Variants in NBPF11 observed in about 807,000 individuals in gnomAD.
The protein encoded by NBPF11 is NBPF member 11, also known as NBPF family member NBPF11.
NBPF11 carries 72 observed loss-of-function variants against 93.9 expected under a neutral mutation model. The observed-to-expected ratio is 0.77, with a 90% CI of 0.63 to 0.93. The LOEUF (loss-of-function observed/expected upper bound fraction) is 0.93, where lower values mean the gene tolerates loss of function less well. Ranked by LOEUF, NBPF11 falls within the 40% of genes least tolerant of loss-of-function variation. The probability of loss-of-function intolerance (pLI) is 0.00; values close to 1 mark genes in which losing one functional copy is unlikely to be tolerated. For synonymous variants in NBPF11, 224 were observed against 304.9 expected (o/e 0.73, Z 2.76); for missense variants, 705 against 802.2 (o/e 0.88, Z 1.46).
intron 12 of NBPF11, among the ~76,000 whole-genome samples, chr1:148,116,849 C>T (rs1439180137): frequency 6.6e-6 from 1 of 152,064 alleles, no homozygotes; most frequent in Non-Finnish European, 1.5e-5. Context: ...AGATCTGATT[C>T]CCAGGCACAG....
chr1:148,151,251 C>T (rs1483994011), intron 1 of NBPF11, among the ~76,000 whole-genome samples: 2 of 151,968 alleles, frequency 1.3e-5, no homozygotes, highest in African/African-American at 2.4e-5. Context: ...TCGCTACAAA[C>T]GCTCCTCACA....
At chr1:148,130,510 C>G (rs1365781911) in intron 4 of NBPF11, among the ~76,000 whole-genome samples, 1,920 of 151,744 alleles carry the variant, frequency 0.013, 64 homozygotes, top group African/African-American at 0.044. Flanking sequence ...TTTTAGGGGC[C>G]TCGTACCTGC....
At chr1:148,107,222 C>G (rs1663887944) in intron 19 of NBPF11, 108 bp from the exon 20 acceptor site, 1 of 568,790 alleles carries the variant, frequency 1.8e-6, no homozygotes, top group Non-Finnish European at 3.1e-6. Flanking sequence ...AGAAAAAGGA[C>G]AGATCCATTA....
chr1:148,127,815 CTT>C (rs1183487358), intron 4 of NBPF11, among the ~76,000 whole-genome samples: 4 of 136,180 alleles, frequency 2.9e-5, no homozygotes, highest in African/African-American at 5.5e-5. Context: ...GCTAATTTTT[CTT>C]TTTTTTTTTT....
chr1:148,110,191 C>G (rs1664911740), intron 16 of NBPF11, among the ~76,000 whole-genome samples, 187 bp downstream of exon 16: 1 of 151,892 alleles, frequency 6.6e-6, no homozygotes, highest in Admixed American at 6.6e-5. Flanking sequence ...GAGAGCAAAG[C>G]TCACTGACCC....
At chr1:148,136,331 A>G (rs1368099209) in intron 3 of NBPF11, among the ~76,000 whole-genome samples, 1 of 151,622 alleles carries the variant, frequency 6.6e-6, no homozygotes, top group Non-Finnish European at 1.5e-5. Flanking sequence ...ATATCTATCA[A>G]TACAAGAATG....
rs1553274676 is a variant in NBPF11 at position 148,132,379 on chromosome 1, T to A, written c.-36+3293A>T. ...TATTTTTTTTTTTCAACAAAACACATAATCTTGATTTTCATAGCTGTAGAG... is the reference window on the plus strand; with the variant it reads ...TATTTTTTTTTTTCAACAAAACACAAAATCTTGATTTTCATAGCTGTAGAG... On this transcript the variant is annotated intron_variant, in intron 4 of 23. Coordinates refer to ENST00000682118, the MANE Select transcript of NBPF11 (RefSeq NM_001385469.3). 4.0e-5 allele frequency among the ~76,000 whole-genome samples: 6 copies of A among 149,264 alleles called. No individual in the cohort carries two copies. The South Asian group carries it at 1.3e-3, about 32-fold the overall frequency.
chr1:148,120,742 T>C lies in NBPF11; in HGVS notation c.779-32A>G, dbSNP rs1571442947. On this transcript the variant is annotated intron_variant, in intron 9 of 23. Coordinates refer to ENST00000682118, the MANE Select transcript of NBPF11 (RefSeq NM_001385469.3). The stretch of plus-strand genomic sequence containing the variant: ...AGAAGAAAGGCAAACATATGATGGG[T>C]TAAAAACTGGTGAAATCAAATAGGC... 7.0e-5 allele frequency: 99 copies of C among 1,421,968 alleles called. 1 individual carries two copies. In the Middle Eastern group the frequency reaches 9.6e-4, roughly 14 times the overall value. The allele number at this position is 1,421,968 out of a possible 1,614,324, so 88.1% of individuals were successfully genotyped here.
At chr1:148,104,155 A>T (rs1662974986) in intron 23 of NBPF11, among the ~76,000 whole-genome samples, 1 of 144,384 alleles carries the variant, frequency 6.9e-6, no homozygotes, top group Non-Finnish European at 1.5e-5. Flanking sequence ...ACAGAGAGAA[A>T]GTGAGCTAGT....
intron 12 of NBPF11, among the ~76,000 whole-genome samples, chr1:148,116,879 T>G (rs1233282074): frequency 5.3e-3 from 812 of 152,112 alleles, no homozygotes; most frequent in African/African-American, 0.019. Context: ...CCTGTCACAG[T>G]TTGCATTTCA....
chr1:148,139,290 T>C (rs1365769924), intron 2 of NBPF11, among the ~76,000 whole-genome samples: 3 of 147,096 alleles, frequency 2.0e-5, no homozygotes, highest in Non-Finnish European at 3.0e-5. Context: ...AGGACTACTA[T>C]TATGTTCCCC....
intron 1 of NBPF11, among the ~76,000 whole-genome samples, chr1:148,151,428 T>C (rs1239197216): frequency 6.6e-6 from 1 of 151,946 alleles, no homozygotes. Context: ...GGGTGCGAAG[T>C]CAGTGTGCTC....
At chr1:148,125,713 C>A (rs1395317971) in intron 5 of NBPF11, among the ~76,000 whole-genome samples, 1 of 151,768 alleles carries the variant, frequency 6.6e-6, no homozygotes, top group South Asian at 2.1e-4. Flanking sequence ...TCAAGGAGAT[C>A]GACAGGAAAT....
At chr1:148,150,782 G>A (rs1323827787) in intron 1 of NBPF11, among the ~76,000 whole-genome samples, 2 of 149,550 alleles carry the variant, frequency 1.3e-5, no homozygotes, top group African/African-American at 5.0e-5. Flanking sequence ...CTGGAGTGCA[G>A]TGACAAGATA....
At position 148,109,550 on chromosome 1, in the gene NBPF11, A is replaced by T. The variant is rs1249085001; in HGVS notation, c.1802-215T>A. 3.5e-5 allele frequency: 22 copies of T among 633,670 alleles called. 1 individual carries two copies. Among genetic ancestry groups the T allele is most frequent in the Non-Finnish European group, 5.9e-5 (21 of 355,244 alleles). The allele number at this position is 633,670 out of a possible 1,614,324, so 39.3% of individuals were successfully genotyped here. ...TTGGGCAAAATTCCCCTGTGTTGGAATGTTATTTTCCCTATGTGCTCTGTC... is the reference window on the plus strand; with the variant it reads ...TTGGGCAAAATTCCCCTGTGTTGGATTGTTATTTTCCCTATGTGCTCTGTC... On this transcript the variant is annotated intron_variant, in intron 16 of 23. Coordinates refer to ENST00000682118, the MANE Select transcript of NBPF11 (RefSeq NM_001385469.3).
intron 15 of NBPF11, among the ~76,000 whole-genome samples, chr1:148,111,171 G>C (rs56023200): frequency 5.8e-4 from 85 of 147,784 alleles, no homozygotes; most frequent in Middle Eastern, 6.8e-3. Flanking sequence ...CTGACTGTTA[G>C]AAGGAAAACT....
intron 1 of NBPF11, among the ~76,000 whole-genome samples, chr1:148,147,095 C>G (rs1334472163): frequency 6.6e-6 from 1 of 152,146 alleles, no homozygotes; most frequent in Non-Finnish European, 1.5e-5. Context: ...CAGGTGCCGC[C>G]TCCACATGGC....
chr1:148,140,864 C>G (rs1209208761), intron 2 of NBPF11, among the ~76,000 whole-genome samples: 1,722 of 151,616 alleles, frequency 0.011, 46 homozygotes, highest in African/African-American at 0.04. Flanking sequence ...TAAGTACTTA[C>G]AGCAATTTTA....
At chr1:148,115,209 G>T (rs1226536347) in intron 14 of NBPF11, among the ~76,000 whole-genome samples, 1 of 112,638 alleles carries the variant, frequency 8.9e-6, no homozygotes, top group Non-Finnish European at 1.9e-5. Context: ...AAAAATCTAC[G>T]ACGCTACAAA....
Sources: allele counts gnomAD v4.1 joint callset (sites outside exome capture counted in the v4.1 genomes callset), GRCh38; gene constraint gnomAD v4.1.1; transcripts MANE v1.5; gene names NCBI Gene and HGNC (gene_info 2026-07-23, HGNC 2026-07-21).